MIPOL1: variants seen among roughly 807,000 people sequenced by gnomAD.
MIPOL1 encodes the protein mirror-image polydactyly 1.
A neutral mutation model predicts 60.9 loss-of-function variants in MIPOL1; 57 were observed. The ratio of observed to expected loss-of-function variants is 0.94; its 90% CI spans 0.76 to 1.17. The LOEUF (loss-of-function observed/expected upper bound fraction) is 1.17. Ranked by LOEUF, MIPOL1 falls within the 50% of genes most tolerant of loss-of-function variation. MIPOL1 has a pLI of 0.00. For synonymous variants in MIPOL1, 179 were observed against 168.8 expected (o/e 1.06, Z -0.47); for missense variants, 551 against 511.6 (o/e 1.08, Z -0.74).
chr14:37,199,519 A>G (rs1964874774), intron 1 of MIPOL1, among the ~76,000 whole-genome samples: 1 of 151,518 alleles, frequency 6.6e-6, no homozygotes, highest in African/African-American at 2.4e-5. Context: ...AATTATGTAT[A>G]CTTTTTTTTT....
intron 9 of MIPOL1, among the ~76,000 whole-genome samples, chr14:37,367,037 G>A (rs2092494235): frequency 6.6e-6 from 1 of 151,966 alleles, no homozygotes; most frequent in South Asian, 2.1e-4. Flanking sequence ...TTTGACAAAT[G>A]AATTTGGTGA....
chr14:37,212,868 CAGAG>C (rs757494148), intron 1 of MIPOL1, among the ~76,000 whole-genome samples: 1 of 151,960 alleles, frequency 6.6e-6, no homozygotes, highest in African/African-American at 2.4e-5. Context: ...TGTCATAGAA[CAGAG>C]AGAGAGAGAT....
intron 9 of MIPOL1, among the ~76,000 whole-genome samples, chr14:37,336,770 T>C (rs192900656): frequency 3.2e-4 from 49 of 152,198 alleles, no homozygotes; most frequent in South Asian, 6.2e-4. Flanking sequence ...TTTTTTATTT[T>C]TTTATTTTGA....
intron 12 of MIPOL1, among the ~76,000 whole-genome samples, chr14:37,526,400 C>T (rs1317518535): frequency 1.4e-5 from 2 of 143,422 alleles, no homozygotes; most frequent in East Asian, 4.1e-4. Flanking sequence ...GACGGAGTCT[C>T]GTTCTGTCGT....
At chr14:37,202,268 C>A (rs1202494487) in intron 1 of MIPOL1, among the ~76,000 whole-genome samples, 1 of 151,940 alleles carries the variant, frequency 6.6e-6, no homozygotes, top group Non-Finnish European at 1.5e-5. Flanking sequence ...TTTAGTCTTA[C>A]TTGATTGTTA....
In MIPOL1 at chr14:37,294,422, G is replaced by A. The variant is rs1303263465; in HGVS notation, c.623+8975G>A. ...AGCGCCTCTCCTCCTCCAAAGGAAC[G>A]CAGCTCCTCACCAGCAACAGAACAA... is the stretch of plus-strand genomic sequence containing the variant. On this transcript the variant is annotated intron_variant, in intron 7 of 12. Coordinates refer to ENST00000684589, the MANE Select transcript of MIPOL1 (RefSeq NM_001388067.1). Among the ~76,000 whole-genome samples, 5 of 152,176 alleles carry A rather than the reference G, an allele frequency of 3.3e-5. 1 individual carries two copies. Among genetic ancestry groups the A allele is most frequent in the Non-Finnish European group, 7.3e-5 (5 of 68,038 alleles).
intron 11 of MIPOL1, among the ~76,000 whole-genome samples, chr14:37,461,830 G>A (rs1222977707): frequency 6.6e-6 from 1 of 152,156 alleles, no homozygotes; most frequent in Non-Finnish European, 1.5e-5. Flanking sequence ...GGTTCCCAGA[G>A]TCTCAGGCAG....
intron 12 of MIPOL1, among the ~76,000 whole-genome samples, chr14:37,523,919 A>C (rs966316675): frequency 1.3e-5 from 2 of 152,188 alleles, no homozygotes; most frequent in Non-Finnish European, 2.9e-5. Context: ...AATAGGAATT[A>C]GCCAGGAGAA....
At chr14:37,225,419 T>A (rs28816517) in intron 1 of MIPOL1, among the ~76,000 whole-genome samples, 2,473 of 152,276 alleles carry the variant, frequency 0.016, 56 homozygotes, top group African/African-American at 0.055. Flanking sequence ...AGGCAGAGGT[T>A]CCCAAACCCC....
intron 7 of MIPOL1, among the ~76,000 whole-genome samples, chr14:37,285,872 A>G (rs1201635562): frequency 2.0e-5 from 3 of 152,102 alleles, no homozygotes; most frequent in South Asian, 2.1e-4. Flanking sequence ...GATTAGAGGC[A>G]TGAGCCACCG....
intron 1 of MIPOL1, among the ~76,000 whole-genome samples, chr14:37,229,372 C>T (rs1428714486): frequency 6.6e-6 from 1 of 152,092 alleles, no homozygotes; most frequent in African/African-American, 2.4e-5. Context: ...TCTCAAACTC[C>T]TGGATTCAAG....
intron 11 of MIPOL1, among the ~76,000 whole-genome samples, chr14:37,430,675 T>A (rs1215263274): frequency 6.6e-6 from 1 of 152,116 alleles, no homozygotes; most frequent in African/African-American, 2.4e-5. Context: ...CTGCTTAATA[T>A]GAAAATCAGT....
chr14:37,255,530 C>T (rs912737514), intron 3 of MIPOL1, among the ~76,000 whole-genome samples: 2 of 151,490 alleles, frequency 1.3e-5, no homozygotes, highest in Non-Finnish European at 3.0e-5. Flanking sequence ...AGGAGTTCAC[C>T]AAATACTTCA....
At chr14:37,387,834 TA>T (rs1410079745) in intron 10 of MIPOL1, among the ~76,000 whole-genome samples, 3 of 151,872 alleles carry the variant, frequency 2.0e-5, no homozygotes, top group Admixed American at 2.0e-4. Flanking sequence ...CATGCTTCTC[TA>T]AAACTAATAT....
At chr14:37,368,067 A>G (rs1352715691) in intron 9 of MIPOL1, among the ~76,000 whole-genome samples, 4 of 152,108 alleles carry the variant, frequency 2.6e-5, no homozygotes. Context: ...CATACAGCTG[A>G]TGATGGAATA....
intron 12 of MIPOL1, chr14:37,501,645 G>A (rs1398397574): frequency 1.3e-5 from 2 of 152,110 alleles, no homozygotes; most frequent in Non-Finnish European, 2.9e-5. Context: ...TAACCAAATA[G>A]GAACAGCTCT....
At chr14:37,340,970 T>C (rs2153462206) in intron 9 of MIPOL1, among the ~76,000 whole-genome samples, 1 of 152,290 alleles carries the variant, frequency 6.6e-6, no homozygotes, top group African/African-American at 2.4e-5. Context: ...GCACAAATAC[T>C]TAACATCGTG....
intron 10 of MIPOL1, among the ~76,000 whole-genome samples, chr14:37,392,181 T>C (rs971897644): frequency 4.6e-5 from 7 of 152,184 alleles, no homozygotes; most frequent in African/African-American, 9.6e-5. Flanking sequence ...ATCTTTACCA[T>C]TGAGACTTCT....
At chr14:37,289,709 C>T (rs1273876844) in intron 7 of MIPOL1, among the ~76,000 whole-genome samples, 1 of 152,108 alleles carries the variant, frequency 6.6e-6, no homozygotes, top group Non-Finnish European at 1.5e-5. Context: ...TTAATGGAGA[C>T]TTCATTACAT....
Sources: allele counts gnomAD v4.1 joint callset (sites outside exome capture counted in the v4.1 genomes callset), GRCh38; gene constraint gnomAD v4.1.1; transcripts MANE v1.5; gene names NCBI Gene and HGNC (gene_info 2026-07-23, HGNC 2026-07-21).